UBE2U: variants seen among roughly 807,000 people sequenced by gnomAD.
The protein encoded by UBE2U is ubiquitin conjugating enzyme E2 U, also known as ubiquitin-conjugating enzyme E2 U.
A neutral mutation model predicts 41.2 loss-of-function variants in UBE2U; 39 were observed. The observed-to-expected ratio is 0.95, with a 90% CI of 0.73 to 1.24. The LOEUF (loss-of-function observed/expected upper bound fraction) is 1.24. UBE2U is among the 50% of genes most tolerant of loss of function. The pLI, the probability that UBE2U is intolerant of heterozygous loss-of-function variation, is 0.00. For missense variants in UBE2U, 336 were observed against 363.1 expected (o/e 0.93, Z 0.61); for synonymous variants, 107 against 117.8 (o/e 0.91, Z 0.60).
At chr1:64,259,659 GTTTTC>G (rs1435313000) in intron 8 of UBE2U, among the ~76,000 whole-genome samples, 4 of 151,890 alleles carry the variant, frequency 2.6e-5, no homozygotes, top group Non-Finnish European at 4.4e-5. Flanking sequence ...GTTGCCAAAA[GTTTTC>G]TTTTCATTAT....
rs1651144234 is a variant in UBE2U at position 64,204,133 on chromosome 1, T to G, written c.66+17T>G. ...AATTATAAGGTAAGTACTGGGCACG[T>G]GGAGAGATGTGTTTCATTGTGCAAT... On this transcript the variant is annotated intron_variant, in intron 1 of 9. Transcript: ENST00000371077. The G allele has an allele frequency of 1.9e-6, 3 of 1,606,378 alleles. No homozygotes were observed. Among genetic ancestry groups the G allele is most frequent in the East Asian group, 2.2e-5 (1 of 44,734 alleles).
chr1:64,239,150 GAAGAAGAAA>G (rs1644764482), intron 7 of UBE2U, among the ~76,000 whole-genome samples: 16 of 28,424 alleles, frequency 5.6e-4, no homozygotes, highest in Non-Finnish European at 6.3e-4. Context: ...AGAAGAAGAA[GAAGAAGAAA>G]GAAGAAGAAG....
Position 64,239,157 on chromosome 1 carries a change from A to AAGAAGAAGAAGGAGAAGAAGAAGGAGAAG in UBE2U, c.596-2494_596-2493insGAAGAAGAAGGAGAAGAAGAAGGAGAAGA. Reference sequence around the variant, plus strand: ...GAAGAAGAAGAAGAAGAAGAAGAAGAAAGAAGAAGAAGAAGAAGAAGAAGA... The same window carrying AAGAAGAAGAAGGAGAAGAAGAAGGAGAAG: ...GAAGAAGAAGAAGAAGAAGAAGAAGAAGAAGAAGAAGGAGAAGAAGAAGGAGAAGAAGAAGAAGAAGAAGAAGAAGAAGA... On this transcript the variant is annotated intron_variant, in intron 7 of 9. Coordinates refer to ENST00000371077, the MANE Select transcript of UBE2U (RefSeq NM_001366232.2). Among the ~76,000 whole-genome samples the AAGAAGAAGAAGGAGAAGAAGAAGGAGAAG allele has an allele frequency of 3.0e-4, 11 of 37,066 alleles. 1 individual carries two copies. Among genetic ancestry groups the AAGAAGAAGAAGGAGAAGAAGAAGGAGAAG allele is most frequent in the African/African-American group, 9.3e-4 (11 of 11,852 alleles). 24.3% of individuals were successfully genotyped at this position (37,066 alleles called of 152,430 possible).
At chr1:64,265,407 T>C (rs567224695) in intron 9 of UBE2U, among the ~76,000 whole-genome samples, 1 of 152,298 alleles carries the variant, frequency 6.6e-6, no homozygotes, top group East Asian at 1.9e-4. Flanking sequence ...CAATAATATG[T>C]TCATGGAAAA....
At chr1:64,233,998 C>T (rs763240926) in intron 7 of UBE2U, among the ~76,000 whole-genome samples, 6 of 152,176 alleles carry the variant, frequency 3.9e-5, no homozygotes, top group Non-Finnish European at 8.8e-5. Flanking sequence ...ACACTGCTGC[C>T]TCTTCCCTTG....
chr1:64,212,447 T>C (rs1160625785), intron 4 of UBE2U, among the ~76,000 whole-genome samples: 1 of 152,216 alleles, frequency 6.6e-6, no homozygotes, highest in Non-Finnish European at 1.5e-5. Flanking sequence ...TATCTATCAT[T>C]GGACAAATTT....
intron 8 of UBE2U, among the ~76,000 whole-genome samples, chr1:64,258,187 T>C (rs1427834185): frequency 2.6e-5 from 4 of 152,232 alleles, no homozygotes; most frequent in African/African-American, 9.6e-5. Context: ...TCAGAGACCT[T>C]GTCTGTCTTG....
At chr1:64,208,133 TATTTA>T (rs1651419545) in intron 3 of UBE2U, among the ~76,000 whole-genome samples, 2 of 152,172 alleles carry the variant, frequency 1.3e-5, no homozygotes, top group Non-Finnish European at 2.9e-5. Context: ...ATAACATACA[TATTTA>T]GTAGGCATGG....
chr1:64,242,376 A>AT (rs1214710261), intron 8 of UBE2U, among the ~76,000 whole-genome samples: 2 of 152,082 alleles, frequency 1.3e-5, no homozygotes, highest in Middle Eastern at 3.4e-3. Context: ...TGTGCTAGTC[A>AT]TTTTTTCTGG....
chr1:64,206,798 G>A lies in UBE2U; in HGVS notation c.183G>A (p.Ser61=), dbSNP rs147076386. 236 of 1,604,772 alleles carry A rather than the reference G, an allele frequency of 1.5e-4. No homozygotes were observed. In the African/African-American group the frequency reaches 2.0e-3, roughly 13 times the overall value. ...TCCAACTGACAATACATTTTACATC[G>A]GAGTACAACTATGCTCCTCCAGTTG... ...LVFQLTIHFT[S]EYNYAPPVVK... Residue 61 remains serine, a synonymous_variant, in exon 3 of 10, where the codon TCG becomes TCA. Coordinates refer to ENST00000371077, the MANE Select transcript of UBE2U (RefSeq NM_001366232.2).
At chr1:64,231,083 A>G (rs1570044484) in intron 6 of UBE2U, among the ~76,000 whole-genome samples, 2 of 152,216 alleles carry the variant, frequency 1.3e-5, no homozygotes, top group South Asian at 4.1e-4. Context: ...TGCTTTGTAT[A>G]TTCAAACCAC....
intron 8 of UBE2U, among the ~76,000 whole-genome samples, chr1:64,257,019 C>A (rs1367494535): frequency 3.3e-5 from 5 of 152,026 alleles, no homozygotes; most frequent in Non-Finnish European, 7.4e-5. Flanking sequence ...CTTGACTGAT[C>A]ATTAGAGAAA....
In UBE2U at chr1:64,255,254, G is replaced by A. The variant is rs571462096; in HGVS notation, c.678-5349G>A. On this transcript the variant is annotated intron_variant, in intron 8 of 9. Coordinates refer to ENST00000371077, the MANE Select transcript of UBE2U (RefSeq NM_001366232.2). ...GAATCCCTGAATTGACCAATAATGA[G>A]TTCTGAAATTGAGGCAATAATAGCC... 1.0e-3 allele frequency among the ~76,000 whole-genome samples: 152 copies of A among 152,032 alleles called. 1 individual carries two copies. Among genetic ancestry groups the A allele is most frequent in the Non-Finnish European group, 1.8e-3 (119 of 67,990 alleles).
At chr1:64,228,152 A>G (rs1653005321) in intron 6 of UBE2U, among the ~76,000 whole-genome samples, 1 of 152,210 alleles carries the variant, frequency 6.6e-6, no homozygotes, top group Non-Finnish European at 1.5e-5. Context: ...AGATACCCCT[A>G]GATATTAAGA....
intron 8 of UBE2U, among the ~76,000 whole-genome samples, chr1:64,257,696 T>G (rs532039050): frequency 7.9e-5 from 12 of 151,960 alleles, no homozygotes; most frequent in Non-Finnish European, 1.3e-4. Flanking sequence ...TGGGATGATC[T>G]GTGCAGTAAT....
intron 9 of UBE2U, among the ~76,000 whole-genome samples, chr1:64,265,678 A>C (rs1645244108): frequency 6.6e-6 from 1 of 152,148 alleles, no homozygotes; most frequent in African/African-American, 2.4e-5. Context: ...TTCCGGGTTC[A>C]AGTGAGTCTC....
intron 6 of UBE2U, among the ~76,000 whole-genome samples, chr1:64,229,558 C>T (rs1053290967): frequency 3.3e-5 from 5 of 152,054 alleles, no homozygotes; most frequent in South Asian, 4.1e-4. Flanking sequence ...GTAGAAGTGC[C>T]GGAGGGTTTT....
At chr1:64,232,288 A>G (rs528238300) in intron 6 of UBE2U, among the ~76,000 whole-genome samples, 2 of 152,336 alleles carry the variant, frequency 1.3e-5, no homozygotes, top group South Asian at 2.1e-4. Context: ...CAGATGTCTT[A>G]AACCTGTATT....
intron 4 of UBE2U, among the ~76,000 whole-genome samples, chr1:64,212,606 G>A (rs1038890502): frequency 2.0e-5 from 3 of 152,078 alleles, no homozygotes; most frequent in African/African-American, 7.2e-5. Flanking sequence ...AATACAGGTC[G>A]AGTATTTCTT....
Sources: gnomAD v4.1 joint callset for allele counts (sites outside exome capture counted in the v4.1 genomes callset) on GRCh38, gnomAD v4.1.1 for gene constraint, MANE v1.5 for transcripts, NCBI Gene and HGNC (gene_info 2026-07-23, HGNC 2026-07-21) for gene names.